Variants in ITGA1 observed in about 807,000 individuals in gnomAD.
The protein encoded by ITGA1 is integrin alpha-1.
In ITGA1, 85 loss-of-function variants were observed where a neutral mutation model predicts 145.9. That is an observed-to-expected ratio of 0.58 (90% CI 0.49 to 0.70). The LOEUF is 0.70. Among genes scored for constraint, ITGA1 ranks in the 30% least tolerant of loss-of-function variants. The pLI, the probability that ITGA1 is intolerant of heterozygous loss-of-function variation, is 0.00. For missense variants in ITGA1, 1,351 were observed against 1,418.7 expected (o/e 0.95, Z 0.77); for synonymous variants, 520 against 495.3 (o/e 1.05, Z -0.66).
intron 17 of ITGA1, among the ~76,000 whole-genome samples, chr5:52,921,931 C>T (rs1437864503): frequency 6.6e-6 from 1 of 152,152 alleles, no homozygotes; most frequent in Non-Finnish European, 1.5e-5. Context: ...ATTTTGAATA[C>T]TATAAATGAT....
intron 2 of ITGA1, among the ~76,000 whole-genome samples, chr5:52,859,685 T>C (rs1467514266): frequency 6.6e-6 from 1 of 152,232 alleles, no homozygotes; most frequent in Non-Finnish European, 1.5e-5. Context: ...AACTTCTCAG[T>C]TCTCCTGCAG....
chr5:52,802,986 G>A (rs1748518004), intron 1 of ITGA1: 1 of 152,198 alleles, frequency 6.6e-6, no homozygotes, highest in Non-Finnish European at 1.5e-5. Flanking sequence ...AGGAGCCTCA[G>A]TAATGGAATT....
At position 52,835,551 on chromosome 5, in the gene ITGA1, A is replaced by G. The variant is rs565847019; in HGVS notation, c.62-13814A>G. Among the ~76,000 whole-genome samples, 4 of 152,296 alleles carry G rather than the reference A, an allele frequency of 2.6e-5. No individual in the cohort carries two copies. The South Asian group carries it at 8.3e-4, about 32-fold the overall frequency. On this transcript the variant is annotated intron_variant, in intron 1 of 28. Transcript: ENST00000282588. ...GCCATTACTTGACATTCTGAGCCAGAGTAGTAATGAGATTGGAAAGGTCAA... is the reference window on the plus strand; with the variant it reads ...GCCATTACTTGACATTCTGAGCCAGGGTAGTAATGAGATTGGAAAGGTCAA...
chr5:52,840,430 A>C (rs1749235962), intron 1 of ITGA1, among the ~76,000 whole-genome samples: 2 of 152,308 alleles, frequency 1.3e-5, no homozygotes. Flanking sequence ...TTACACAAAC[A>C]CACGAGTTGT....
chr5:52,849,274 C>T (rs1051955294), intron 1 of ITGA1, 91 bp from the exon 2 acceptor site: 52 of 1,094,444 alleles, frequency 4.8e-5, no homozygotes, highest in Non-Finnish European at 5.7e-5. Context: ...AAACAGCTTT[C>T]GATGGTAACC....
intron 1 of ITGA1, among the ~76,000 whole-genome samples, chr5:52,840,673 C>T (rs1397125928): frequency 2.0e-5 from 3 of 149,410 alleles, no homozygotes; most frequent in African/African-American, 5.1e-5. Context: ...GGAAAATAAA[C>T]ACCATGAAAG....
intron 21 of ITGA1, among the ~76,000 whole-genome samples, chr5:52,930,983 G>C (rs1443131708): frequency 6.6e-6 from 1 of 152,034 alleles, no homozygotes; most frequent in Non-Finnish European, 1.5e-5. Flanking sequence ...GAGAAAAGGG[G>C]ACCATTCATG....
In ITGA1 at chr5:52,939,581, C is replaced by A. The variant is rs1751022317; in HGVS notation, c.3079-9C>A. On this transcript the variant is annotated splice_polypyrimidine_tract_variant and intron_variant, in intron 24 of 28. Coordinates refer to ENST00000282588, the MANE Select transcript of ITGA1 (RefSeq NM_181501.2). Reference sequence around the variant, plus strand: ...CATTGTCTGATAAATGTAATATTTTCATTTCTAGAATGCAAACTGCAGACC... The same window carrying A: ...CATTGTCTGATAAATGTAATATTTTAATTTCTAGAATGCAAACTGCAGACC... The A allele has an allele frequency of 4.5e-6, 7 of 1,568,614 alleles. No homozygotes were observed. The highest frequency in any genetic ancestry group is 6.1e-6 in the Non-Finnish European group (7 of 1,141,846).
chr5:52,907,116 A>T (rs1203865938), intron 12 of ITGA1, among the ~76,000 whole-genome samples: 1 of 152,232 alleles, frequency 6.6e-6, no homozygotes, highest in Non-Finnish European at 1.5e-5. Flanking sequence ...AGCGTTGCTT[A>T]GCCTTAGTGG....
intron 28 of ITGA1, 37 bp downstream of exon 28, chr5:52,947,498 C>A: frequency 1.8e-6 from 2 of 1,141,196 alleles, no homozygotes; most frequent in South Asian, 1.2e-5. Flanking sequence ...CTACTTCAAT[C>A]ATCAACAGCA....
intron 6 of ITGA1, among the ~76,000 whole-genome samples, chr5:52,869,914 T>A (rs1382199594): frequency 6.6e-6 from 1 of 152,204 alleles, no homozygotes; most frequent in African/African-American, 2.4e-5. Flanking sequence ...AAGGACATAT[T>A]TACCAAGCCA....
In ITGA1 at chr5:52,801,371, G is replaced by A. The variant is rs199703397; in HGVS notation, c.61+12957G>A. ...GTGAGCTGATTAATGGGTGTTCTAG[G>A]AGATTATTTTGCCTAACTTTTGTAA... On this transcript the variant is annotated intron_variant, in intron 1 of 28. Transcript: ENST00000282588. 5.5e-4 allele frequency: 845 copies of A among 1,531,268 alleles called. 4 individuals are homozygous for A. In the African/African-American group the frequency reaches 0.01, roughly 19 times the overall value. The allele number at this position is 1,531,268 out of a possible 1,614,324, so 94.9% of individuals were successfully genotyped here.
chr5:52,895,754 A>T (rs148751572), intron 9 of ITGA1, among the ~76,000 whole-genome samples: 124 of 152,302 alleles, frequency 8.1e-4, no homozygotes, highest in African/African-American at 2.8e-3. Flanking sequence ...AAGTCTCTAT[A>T]TTTAAATATG....
At chr5:52,947,200 AT>A in intron 27 of ITGA1, 144 bp from the exon 28 acceptor site, 1 of 562,614 alleles carries the variant, frequency 1.8e-6, no homozygotes, top group Non-Finnish European at 3.2e-6. Flanking sequence ...GATGAAGAGC[AT>A]TTTCTAATGT....
chr5:52,876,548 G>A (rs776321047), intron 6 of ITGA1, among the ~76,000 whole-genome samples: 17 of 151,860 alleles, frequency 1.1e-4, no homozygotes, highest in African/African-American at 2.4e-4. Flanking sequence ...CCCAGACTTC[G>A]TTGTATCTCT....
At chr5:52,950,608 G>T (rs1305675772) in intron 28 of ITGA1, among the ~76,000 whole-genome samples, 1 of 152,170 alleles carries the variant, frequency 6.6e-6, no homozygotes, top group Non-Finnish European at 1.5e-5. Context: ...GATTGGCCCA[G>T]TCCATCTTGA....
rs868113702 is a variant in ITGA1 at position 52,797,433 on chromosome 5, G to A, written c.61+9019G>A. ...AGTAGAACATTAGATCTTTCTCTAA[G>A]AGTATGATGATGACCTAGGCTGGAC... is the stretch of plus-strand genomic sequence containing the variant. On this transcript the variant is annotated intron_variant, in intron 1 of 28. Coordinates refer to ENST00000282588, the MANE Select transcript of ITGA1 (RefSeq NM_181501.2). Among the ~76,000 whole-genome samples the A allele has an allele frequency of 5.9e-5, 9 of 151,560 alleles. 2 individuals are homozygous for A. The Middle Eastern group carries it at 0.027, about 458-fold the overall frequency.
intron 2 of ITGA1, 90 bp from the exon 3 acceptor site, chr5:52,861,357 T>C (rs1246821194): frequency 2.7e-6 from 2 of 754,336 alleles, no homozygotes; most frequent in Non-Finnish European, 4.6e-6. Context: ...ATGAGTGTTA[T>C]TGTCAATTAT....
intron 1 of ITGA1, among the ~76,000 whole-genome samples, chr5:52,838,731 T>G (rs1039726875): frequency 5.9e-5 from 9 of 152,172 alleles, no homozygotes; most frequent in African/African-American, 2.2e-4. Context: ...TGTAAAAGTC[T>G]AGGCATGCTT....
Sources: gnomAD v4.1 joint callset for allele counts (sites outside exome capture counted in the v4.1 genomes callset) on GRCh38, gnomAD v4.1.1 for gene constraint, MANE v1.5 for transcripts, NCBI Gene and HGNC (gene_info 2026-07-23, HGNC 2026-07-21) for gene names.